Variants in TCTN1 observed in about 807,000 individuals in gnomAD.
The protein encoded by TCTN1 is tectonic family member 1, also known as tectonic-1.
In TCTN1, 58 loss-of-function variants were observed where a neutral mutation model predicts 65.8. That is an observed-to-expected ratio of 0.88 (90% CI 0.71 to 1.10). The LOEUF (loss-of-function observed/expected upper bound fraction) is 1.10, where lower values mean the gene tolerates loss of function less well. Ranked by LOEUF, TCTN1 falls within the 50% of genes least tolerant of loss-of-function variation. The pLI is 0.00. For missense variants in TCTN1, 645 were observed against 719.4 expected (o/e 0.90, Z 1.18); for synonymous variants, 273 against 289.1 (o/e 0.94, Z 0.57).
At position 110,647,869 on chromosome 12, in the gene TCTN1, A is replaced by G; in HGVS notation, c.1756A>G (p.Asn586Asp). ...AGCCATCAATGCCAGGCTGCCCTTT[A>G]ACTTCTTCTTCCCGTTTGTTTGACG... ...PPAINARLPF[N>D]FFFPFV Residue 586 changes from asparagine (N) to aspartate (D), a missense_variant, in exon 14 of 15, where the codon AAC (asparagine) becomes GAC (aspartate). Asn to Asp is a conservative substitution (Grantham distance 23). Transcript: ENST00000397659. The G allele has an allele frequency of 6.2e-7, 1 of 1,613,952 alleles. No individual in the cohort carries two copies. The highest frequency in any genetic ancestry group is 8.5e-7 in the Non-Finnish European group (1 of 1,180,028).
At chr12:110,631,926 C>T (rs1438236683) in intron 4 of TCTN1, among the ~76,000 whole-genome samples, 1 of 152,162 alleles carries the variant, frequency 6.6e-6, no homozygotes, top group African/African-American at 2.4e-5. Context: ...GTTTCCCATA[C>T]TCCTGCTGGC....
chr12:110,624,735 G>T (rs11065682), intron 2 of TCTN1, among the ~76,000 whole-genome samples: 1 of 151,792 alleles, frequency 6.6e-6, no homozygotes, highest in East Asian at 1.9e-4. Context: ...ATGCCACCAC[G>T]CCTGGCTAAT....
intron 4 of TCTN1, among the ~76,000 whole-genome samples, chr12:110,630,877 G>A (rs888487464): frequency 6.6e-6 from 1 of 152,164 alleles, no homozygotes; most frequent in South Asian, 2.1e-4. Context: ...CCCTGGGAGG[G>A]ATGCACCATT....
At chr12:110,634,436 G>A in intron 5 of TCTN1, 1 of 564,312 alleles carries the variant, frequency 1.8e-6, no homozygotes, top group East Asian at 4.1e-5. Flanking sequence ...CAGCACTCTG[G>A]GAGGCCGAGG....
In TCTN1 at chr12:110,642,256, A is replaced by T. The variant is rs1566002934; in HGVS notation, c.1198A>T (p.Ile400Phe). The change falls in exon 11 of 15, where the codon ATT becomes TTT. Residue 400 changes from isoleucine to phenylalanine, a missense_variant. Coordinates refer to ENST00000397659, the MANE Select transcript of TCTN1 (RefSeq NM_001082538.3). ...AGFQPHKGSG[I>F]IQTTNRYGQL... is the part of the protein sequence containing the mutation. ...CCTTAACTGTCTGTGAATGTCTGGG[A>T]TTATTCAGACCACAAATAGATATGG... The T allele has an allele frequency of 6.2e-7, 1 of 1,614,180 alleles. No individual in the cohort carries two copies. Among genetic ancestry groups the T allele is most frequent in the South Asian group, 1.1e-5 (1 of 91,080 alleles).
At chr12:110,642,502 C>T in intron 11 of TCTN1, 113 bp downstream of exon 11, 1 of 1,446,104 alleles carries the variant, frequency 6.9e-7, no homozygotes, top group Non-Finnish European at 9.7e-7. Flanking sequence ...CACATGAAAG[C>T]CACATATAGT....
intron 11 of TCTN1, chr12:110,643,253 A>G (rs1161218736): frequency 1.3e-5 from 2 of 152,032 alleles, no homozygotes; most frequent in Admixed American, 6.6e-5. Context: ...CAGCAAAAAT[A>G]TTTCCCCTGA....
At chr12:110,623,289 C>T (rs1346632871) in intron 2 of TCTN1, among the ~76,000 whole-genome samples, 2 of 152,250 alleles carry the variant, frequency 1.3e-5, no homozygotes, top group South Asian at 2.1e-4. Context: ...CGTTACCCAG[C>T]CTTGGCCATT....
At chr12:110,643,614 CA>C (rs2067106699) in intron 11 of TCTN1, 1 of 152,316 alleles carries the variant, frequency 6.6e-6, no homozygotes, top group African/African-American at 2.4e-5. Context: ...ATGACCCACA[CA>C]CTTCCCACAT....
chr12:110,636,494 GA>G lies in TCTN1; in HGVS notation c.842del (p.Lys281ArgfsTer14). On this transcript the variant is annotated frameshift_variant, in exon 7 of 15. Coordinates refer to ENST00000397659, the MANE Select transcript of TCTN1 (RefSeq NM_001082538.3). LOFTEE classifies it high-confidence loss of function. The part of the protein sequence containing the change: ...SPEILRVPDS[R>X]KKVPITVQSI... ...CTTTTTATCTAGGTACCTGATTCAA[GA>G]AAAAAGGTAAGAGTATTTATTTATT... The G allele has an allele frequency of 2.9e-6, 4 of 1,360,128 alleles. No individual in the cohort carries two copies. The highest frequency in any genetic ancestry group is 3.1e-6 in the Non-Finnish European group (3 of 962,892). 84.3% of individuals were successfully genotyped at this position (1,360,128 alleles called of 1,614,324 possible).
chr12:110,629,127 A>G, intron 4 of TCTN1: 1 of 637,606 alleles, frequency 1.6e-6, no homozygotes, highest in Non-Finnish European at 2.7e-6. Context: ...TGTAAGACCT[A>G]AAACCATACA....
chr12:110,621,442 C>A (rs934267684), intron 2 of TCTN1, among the ~76,000 whole-genome samples: 3 of 151,672 alleles, frequency 2.0e-5, no homozygotes, highest in Non-Finnish European at 4.4e-5. Flanking sequence ...AATACAGGAG[C>A]CTGAAAGTGA....
chr12:110,628,342 T>A, intron 3 of TCTN1: 2 of 219,334 alleles, frequency 9.1e-6, no homozygotes, highest in Non-Finnish European at 1.5e-5. Context: ...AAAAATACAC[T>A]TTTTTTTTTT....
intron 2 of TCTN1, among the ~76,000 whole-genome samples, chr12:110,623,124 C>T (rs71458353): frequency 6.6e-6 from 1 of 152,220 alleles, no homozygotes; most frequent in Non-Finnish European, 1.5e-5. Flanking sequence ...CAAGCACTCA[C>T]TAAAAGACCT....
chr12:110,636,494 G>GA lies in TCTN1; in HGVS notation c.842dup (p.Val282GlyfsTer15). The GA allele has an allele frequency of 1.5e-6, 2 of 1,360,158 alleles. No homozygotes were observed. The highest frequency in any genetic ancestry group is 2.1e-6 in the Non-Finnish European group (2 of 962,914). 84.3% of individuals were successfully genotyped at this position (1,360,158 alleles called of 1,614,324 possible). Reference sequence around the variant, plus strand: ...CTTTTTATCTAGGTACCTGATTCAAGAAAAAAGGTAAGAGTATTTATTTAT... The same window carrying GA: ...CTTTTTATCTAGGTACCTGATTCAAGAAAAAAAGGTAAGAGTATTTATTTAT... On this transcript the variant is annotated frameshift_variant, in exon 7 of 15. Coordinates refer to ENST00000397659, the MANE Select transcript of TCTN1 (RefSeq NM_001082538.3). LOFTEE classifies it high-confidence loss of function.
chr12:110,636,420 CAATGA>C, intron 6 of TCTN1, 56 bp from the exon 7 acceptor site: 1 of 1,126,554 alleles, frequency 8.9e-7, no homozygotes, highest in Non-Finnish European at 1.3e-6. Flanking sequence ...TCTGAAAAAG[CAATGA>C]AAATACTTCT....
At chr12:110,643,144 C>T (rs2067073850) in intron 11 of TCTN1, among the ~76,000 whole-genome samples, 1 of 151,282 alleles carries the variant, frequency 6.6e-6, no homozygotes, top group Non-Finnish European at 1.5e-5. Context: ...CTCAAGCAGT[C>T]CTCCCATCTC....
At position 110,634,784 on chromosome 12, in the gene TCTN1, G is replaced by A. The variant is rs2066451544; in HGVS notation, c.822+5G>A. Reference sequence around the variant, plus strand: ...AGCAGCCCGGAAATTCTGAGGGTAAGAATTATTTTGAAGTGGAACTTACTC... The same window carrying A: ...AGCAGCCCGGAAATTCTGAGGGTAAAAATTATTTTGAAGTGGAACTTACTC... On this transcript the variant is annotated splice_donor_5th_base_variant and intron_variant, in intron 6 of 14. Coordinates refer to ENST00000397659, the MANE Select transcript of TCTN1 (RefSeq NM_001082538.3). 5 of 1,596,572 alleles carry A rather than the reference G, an allele frequency of 3.1e-6. No homozygotes were observed. The East Asian group carries it at 1.1e-4, about 36-fold the overall frequency.
At chr12:110,614,557 A>C in intron 1 of TCTN1, 155 bp downstream of exon 1, 1 of 1,439,426 alleles carries the variant, frequency 6.9e-7, no homozygotes, top group Non-Finnish European at 9.4e-7. Flanking sequence ...TCTAAACAAT[A>C]ACCCTGAGAA....
Sources: gnomAD v4.1 joint callset for allele counts (sites outside exome capture counted in the v4.1 genomes callset) on GRCh38, gnomAD v4.1.1 for gene constraint, MANE v1.5 for transcripts, NCBI Gene and HGNC (gene_info 2026-07-23, HGNC 2026-07-21) for gene names.